Variants in AKAP6 observed in about 807,000 individuals in gnomAD.
AKAP6 encodes the protein A-kinase anchor protein 6.
A neutral mutation model predicts 188.5 loss-of-function variants in AKAP6; 58 were observed. The ratio of observed to expected loss-of-function variants is 0.31; its 90% CI spans 0.25 to 0.38. AKAP6 has a LOEUF of 0.38. Among genes scored for constraint, AKAP6 ranks in the 10% least tolerant of loss-of-function variants. AKAP6 has a pLI of 1.00. For synonymous variants in AKAP6, 989 were observed against 998.6 expected (o/e 0.99, Z 0.18); for missense variants, 2,710 against 2,740.0 (o/e 0.99, Z 0.24).
chr14:32,689,020 A>T (rs1390196302), intron 8 of AKAP6, among the ~76,000 whole-genome samples: 1 of 152,138 alleles, frequency 6.6e-6, no homozygotes, highest in East Asian at 1.9e-4. Flanking sequence ...TTAGGTTTGG[A>T]TCCATTCCCC....
At chr14:32,730,593 A>T (rs1439308998) in intron 9 of AKAP6, among the ~76,000 whole-genome samples, 1 of 152,088 alleles carries the variant, frequency 6.6e-6, no homozygotes, top group Non-Finnish European at 1.5e-5. Context: ...AGTTAAAGGG[A>T]TAACTGGTAG....
intron 8 of AKAP6, 46 bp downstream of exon 8, chr14:32,678,505 T>C (rs745829212): frequency 1.2e-6 from 2 of 1,603,814 alleles, no homozygotes; most frequent in Non-Finnish European, 1.7e-6. Context: ...TAATCTATTT[T>C]TTCAATGATT....
At chr14:32,570,344 A>G (rs867557163) in intron 4 of AKAP6, among the ~76,000 whole-genome samples, 23 of 150,528 alleles carry the variant, frequency 1.5e-4, no homozygotes, top group African/African-American at 4.6e-4. Context: ...AGGTTTCACC[A>G]TATTGGCCAG....
intron 8 of AKAP6, among the ~76,000 whole-genome samples, chr14:32,686,313 G>A (rs984903095): frequency 1.1e-4 from 16 of 152,150 alleles, no homozygotes; most frequent in African/African-American, 3.9e-4. Context: ...CATCAGAGTT[G>A]GGGAGGTGTA....
At chr14:32,650,963 C>A (rs574188436) in intron 7 of AKAP6, among the ~76,000 whole-genome samples, 1 of 152,008 alleles carries the variant, frequency 6.6e-6, no homozygotes, top group Admixed American at 6.5e-5. Context: ...TCTTTTAAGC[C>A]GTAAGGTAAG....
In AKAP6 at chr14:32,777,771, C is replaced by A. The variant is rs1324895740; in HGVS notation, c.3588+3878C>A. On this transcript the variant is annotated intron_variant, in intron 12 of 13. Transcript: ENST00000280979. ...GGAAGGTGGAAGCTGGGTGCTCTTGCTCACATATGTAATTCCAGCACTTTG... is the reference window on the plus strand; with the variant it reads ...GGAAGGTGGAAGCTGGGTGCTCTTGATCACATATGTAATTCCAGCACTTTG... Among the ~76,000 whole-genome samples, 3 of 152,204 alleles carry A rather than the reference C, an allele frequency of 2.0e-5. No individual in the cohort carries two copies. In the East Asian group the frequency reaches 5.8e-4, roughly 29 times the overall value.
intron 9 of AKAP6, among the ~76,000 whole-genome samples, chr14:32,718,890 C>A (rs1414389714): frequency 1.3e-5 from 2 of 152,070 alleles, no homozygotes; most frequent in East Asian, 1.9e-4. Context: ...TACATTTAAA[C>A]CATAATGCTA....
chr14:32,403,881 G>C (rs1201219742), intron 1 of AKAP6, among the ~76,000 whole-genome samples: 3 of 152,142 alleles, frequency 2.0e-5, no homozygotes, highest in Non-Finnish European at 1.5e-5. Flanking sequence ...TCACTTCTGA[G>C]TCATCACATT....
rs1472135012 is a variant in AKAP6 at position 32,823,664 on chromosome 14, G to A, written c.5851G>A (p.Glu1951Lys). The change falls in exon 13 of 14, where the codon GAA becomes AAA. Residue 1951 changes from glutamate (E) to lysine (K), a missense_variant. This residue lies in a region of AKAP6 where 2,473 missense variants were observed against 2,426.1 expected (regional missense o/e 1.02). Transcript: ENST00000280979. ...SLDDSNTAGKEFVSQDVRHLP... is the reference protein window; with the variant it reads ...SLDDSNTAGKKFVSQDVRHLP... ...AGATGATTCAAATACTGCTGGCAAG[G>A]AATTTGTTTCCCAAGATGTTAGACA... 6.2e-7 allele frequency: 1 copy of A among 1,613,778 alleles called. No homozygotes were observed. Among genetic ancestry groups the A allele is most frequent in the Non-Finnish European group, 8.5e-7 (1 of 1,179,888 alleles).
intron 2 of AKAP6, chr14:32,495,542 C>T (rs1203038988): frequency 1.3e-5 from 2 of 152,176 alleles, no homozygotes; most frequent in African/African-American, 4.8e-5. Context: ...TGCTTCACTC[C>T]CTAACTAGAC....
intron 11 of AKAP6, among the ~76,000 whole-genome samples, chr14:32,763,758 A>C (rs1023948622): frequency 4.6e-5 from 7 of 152,194 alleles, no homozygotes; most frequent in Non-Finnish European, 1.0e-4. Flanking sequence ...GCTTCAATAT[A>C]GATTAAGTTC....
chr14:32,715,569 G>T (rs1203765240), intron 9 of AKAP6, among the ~76,000 whole-genome samples: 1 of 151,946 alleles, frequency 6.6e-6, no homozygotes, highest in African/African-American at 2.4e-5. Context: ...TTACTGGATA[G>T]AATTTAAATA....
chr14:32,604,941 T>C (rs1002255445), intron 7 of AKAP6, among the ~76,000 whole-genome samples: 3 of 152,194 alleles, frequency 2.0e-5, no homozygotes, highest in Admixed American at 6.5e-5. Flanking sequence ...AAGCCCAGCA[T>C]GCATTAGCTT....
At chr14:32,781,909 T>G (rs1313988571) in intron 12 of AKAP6, among the ~76,000 whole-genome samples, 1 of 152,056 alleles carries the variant, frequency 6.6e-6, no homozygotes, top group African/African-American at 2.4e-5. Flanking sequence ...ACACCTGTAA[T>G]CCCAGCACTT....
chr14:32,390,677 C>G (rs1888683800), intron 1 of AKAP6, among the ~76,000 whole-genome samples: 1 of 152,106 alleles, frequency 6.6e-6, no homozygotes, highest in South Asian at 2.1e-4. Flanking sequence ...TGGGGGTTGT[C>G]TGCACAGAGT....
intron 13 of AKAP6, 99 bp from the exon 14 acceptor site, chr14:32,829,749 C>T (rs1048891110): frequency 3.6e-6 from 2 of 556,818 alleles, no homozygotes. Context: ...GCAAGTAGTC[C>T]CACAATTGCA....
chr14:32,512,711 G>A (rs889783067), intron 2 of AKAP6, among the ~76,000 whole-genome samples: 1 of 152,146 alleles, frequency 6.6e-6, no homozygotes, highest in Admixed American at 6.5e-5. Flanking sequence ...TATGTCTAGG[G>A]CTTGCTGAAG....
chr14:32,410,201 C>T (rs1889436804), intron 1 of AKAP6, among the ~76,000 whole-genome samples: 1 of 151,930 alleles, frequency 6.6e-6, no homozygotes, highest in South Asian at 2.1e-4. Context: ...AGTCAGGCAC[C>T]CTTTTAAGTC....
At chr14:32,711,086 A>G (rs894137209) in intron 9 of AKAP6, among the ~76,000 whole-genome samples, 1 of 152,076 alleles carries the variant, frequency 6.6e-6, no homozygotes, top group Non-Finnish European at 1.5e-5. Flanking sequence ...CGCTTTAGGA[A>G]TATCCATTAT....
Sources: gnomAD v4.1 joint callset for allele counts (sites outside exome capture counted in the v4.1 genomes callset) on GRCh38, gnomAD v4.1.1 for gene constraint, gnomAD v4.1.1 regional missense constraint, MANE v1.5 for transcripts, NCBI Gene and HGNC (gene_info 2026-07-23, HGNC 2026-07-21) for gene names.